The following ZNF718 variants were observed in gnomAD, a reference collection of about 807,000 sequenced individuals.
ZNF718 encodes the protein zinc finger protein 718.
Under a neutral mutation model 2.6 loss-of-function variants are expected in ZNF718, and 3 were observed. That is an observed-to-expected ratio of 1.16 (90% CI 0.53 to 3.01). ZNF718 has a LOEUF of 3.01. Ranked by LOEUF, ZNF718 falls within the 30% of genes most tolerant of loss-of-function variation. The pLI is 0.03. For missense variants in ZNF718, 468 were observed against 230.0 expected (o/e 2.03, Z -6.69); for synonymous variants, 135 against 77.9 (o/e 1.73, Z -3.86).
chr4:170,574 T>C (rs1717202503), intron 3 of ZNF718, among the ~76,000 whole-genome samples: 1 of 152,130 alleles, frequency 6.6e-6, no homozygotes. Context: ...TCTAAACTTC[T>C]CTTCTCACTT....
rs1026711926 is a variant in ZNF718, at chr4:161,867, C to A, written c.1182C>A (p.Pro394=). Residue 394 remains proline, a synonymous_variant, in exon 4 of 4, where the codon CCC becomes CCA. Coordinates refer to ENST00000510175, the MANE Select transcript of ZNF718 (RefSeq NM_001039127.6). The part of the protein sequence containing the change: ...VHKRIHSGKN[P]YKCEDCGKAF... ...AGAGAATTCACTCTGGAAAAAATCC[C>A]TACAAATGTGAAGATTGTGGCAAAG... 3.8e-6 allele frequency: 3 copies of A among 780,556 alleles called. No individual in the cohort carries two copies. The African/African-American group carries it at 5.1e-5, about 13-fold the overall frequency. 48.4% of individuals were successfully genotyped at this position (780,556 alleles called of 1,614,324 possible).
At chr4:134,843 T>C (rs1715488236) in intron 3 of ZNF718, among the ~76,000 whole-genome samples, 3 of 152,192 alleles carry the variant, frequency 2.0e-5, no homozygotes, top group African/African-American at 7.2e-5. Context: ...CCCAGCACTT[T>C]CAGAGGCCAA....
rs1228743332 is a variant in ZNF718 at position 189,059 on chromosome 4, A to AT, written c.227-12004dup. Among the ~76,000 whole-genome samples, 1,280 of 134,790 alleles carry AT rather than the reference A, an allele frequency of 9.5e-3. 21 individuals carry two copies. Among genetic ancestry groups the AT allele is most frequent in the Middle Eastern group, 0.044 (11 of 248 alleles). The allele number at this position is 134,790 out of a possible 152,430, so 88.4% of individuals were successfully genotyped here. A position where few individuals can be genotyped will look rare whatever the true frequency, so the allele number is the denominator to read the frequency against. ...GAAATTTACATTGAATCTGTAGATTATTTTTTTTTTTTTTTTTTGAGATGG... is the reference window on the plus strand; with the variant it reads ...GAAATTTACATTGAATCTGTAGATTATTTTTTTTTTTTTTTTTTTGAGATGG... On this transcript the variant is annotated intron_variant and NMD_transcript_variant, in intron 3 of 4. Coordinates refer to the ZNF718 transcript ENST00000642529.
intron 3 of ZNF718, among the ~76,000 whole-genome samples, chr4:182,402 TTATATTTATTTATTTA>T (rs781985663): frequency 7.2e-6 from 1 of 137,932 alleles, no homozygotes; most frequent in Non-Finnish European, 1.6e-5. Context: ...TGATTTTGAT[TTATATTTATTTATTTA>T]TTTATTTATT....
chr4:165,375 A>T (rs1183612216), downstream of ZNF718, among the ~76,000 whole-genome samples: 7 of 152,196 alleles, frequency 4.6e-5, no homozygotes, highest in Non-Finnish European at 8.8e-5. Flanking sequence ...ATGAAATTCT[A>T]AACAAAGTAT....
Position 143,341 on chromosome 4 carries a change from C to G in ZNF718, c.226+11836C>G, listed in dbSNP as rs200494643. ...AAGTAGCTGGGATTAGTGCCTACCA[C>G]CACGCCTGGCTAATTTTTCTATTTT... On this transcript the variant is annotated intron_variant, in intron 3 of 3. Transcript: ENST00000510175. Among the ~76,000 whole-genome samples the G allele has an allele frequency of 9.8e-5, 15 of 152,304 alleles. No individual in the cohort carries two copies. In the East Asian group the frequency reaches 2.7e-3, roughly 27 times the overall value.
chr4:187,831 G>C (rs941976781), intron 3 of ZNF718, among the ~76,000 whole-genome samples: 1 of 152,178 alleles, frequency 6.6e-6, no homozygotes, highest in East Asian at 1.9e-4. Flanking sequence ...AAGGCCCACA[G>C]GCTGCACTGG....
intron 3 of ZNF718, among the ~76,000 whole-genome samples, chr4:143,393 G>T (rs1015659036): frequency 6.6e-6 from 1 of 152,130 alleles, no homozygotes; most frequent in Non-Finnish European, 1.5e-5. Flanking sequence ...TCACCATTTT[G>T]TCCAGGCTGA....
intron 1 of ZNF718, 109 bp downstream of exon 1, chr4:124,782 G>C: frequency 6.8e-7 from 1 of 1,469,420 alleles, no homozygotes; most frequent in South Asian, 1.2e-5. Context: ...TCAGCCCTCT[G>C]TCCTCAGTCC....
chr4:156,499 AAAC>A (rs1716573029), intron 3 of ZNF718, among the ~76,000 whole-genome samples: 24 of 152,136 alleles, frequency 1.6e-4, no homozygotes, highest in African/African-American at 5.8e-4. Context: ...TTGTCAAAAA[AAAC>A]AGACTTTACA....
At chr4:142,171 AT>A in intron 3 of ZNF718, 1 of 373,382 alleles carries the variant, frequency 2.7e-6, no homozygotes, top group South Asian at 2.1e-5. Context: ...AACCAGGGAG[AT>A]TTCTCCCAAG....
At chr4:144,579 T>C (rs1209460134) in intron 3 of ZNF718, among the ~76,000 whole-genome samples, 1 of 152,344 alleles carries the variant, frequency 6.6e-6, no homozygotes, top group African/African-American at 2.4e-5. Flanking sequence ...TTGCATTAAA[T>C]CTGTAGATCA....
chr4:187,488 G>A (rs947911618), intron 3 of ZNF718, among the ~76,000 whole-genome samples: 1 of 152,176 alleles, frequency 6.6e-6, no homozygotes, highest in Non-Finnish European at 1.5e-5. Context: ...GCCTCTCAAA[G>A]CACTGGGATC....
chr4:201,646 A>G, exon 5 of ZNF718: 1 of 176,422 alleles, frequency 5.7e-6, no homozygotes, highest in Non-Finnish European at 1.3e-5. Context: ...AAGCAGCAAC[A>G]TTGAATGCTT....
intron 3 of ZNF718, among the ~76,000 whole-genome samples, chr4:147,097 A>G (rs1444154389): frequency 2.0e-5 from 3 of 152,136 alleles, no homozygotes; most frequent in African/African-American, 7.2e-5. Context: ...CAGCCTCCCA[A>G]TTAGCTGTGA....
At chr4:177,820 C>T (rs1385292336) in intron 3 of ZNF718, among the ~76,000 whole-genome samples, 1 of 151,986 alleles carries the variant, frequency 6.6e-6, no homozygotes, top group Non-Finnish European at 1.5e-5. Context: ...CACAGTGCCC[C>T]TAAACTCAAA....
In ZNF718 at chr4:132,665, A is replaced by G. The variant is rs1715376180; in HGVS notation, c.226+1160A>G. Among the ~76,000 whole-genome samples, 4 of 104,498 alleles carry G rather than the reference A, an allele frequency of 3.8e-5. 2 individuals carry two copies. The highest frequency in any genetic ancestry group is 1.3e-4 in the African/African-American group (4 of 30,242). 68.6% of individuals were successfully genotyped at this position (104,498 alleles called of 152,430 possible). On this transcript the variant is annotated intron_variant, in intron 3 of 3. Transcript: ENST00000510175. ...TAGAGGTTGCAAATGTAATTCTACA[A>G]AAATTCTTACTCAGCAATTTTATCA...
intron 3 of ZNF718, among the ~76,000 whole-genome samples, chr4:160,320 T>C (rs2108802327): frequency 6.6e-6 from 1 of 152,308 alleles, no homozygotes; most frequent in East Asian, 1.9e-4. Flanking sequence ...CATACTTTAC[T>C]TCGTGTTTTA....
At chr4:182,443 T>TTTAGTTATTTAG (rs1418014888) in intron 3 of ZNF718, among the ~76,000 whole-genome samples, 39 of 146,300 alleles carry the variant, frequency 2.7e-4, no homozygotes, top group African/African-American at 9.7e-4. Context: ...TATTTATTTA[T>TTTAGTTATTTAG]TTATTTTTGA....
Sources: gnomAD v4.1 joint callset for allele counts (sites outside exome capture counted in the v4.1 genomes callset) on GRCh38, gnomAD v4.1.1 for gene constraint, MANE v1.5 for transcripts, NCBI Gene and HGNC (gene_info 2026-07-23, HGNC 2026-07-21) for gene names.